The following UBR3 variants were observed in gnomAD, a reference collection of about 807,000 sequenced individuals.
UBR3 encodes the protein ubiquitin protein ligase E3 component n-recognin 3.
In UBR3, 85 loss-of-function variants were observed where a neutral mutation model predicts 243.2. That is an observed-to-expected ratio of 0.35 (90% CI 0.29 to 0.42). The LOEUF is 0.42. UBR3 is among the 10% of genes least tolerant of loss of function. The pLI, the probability that UBR3 is intolerant of heterozygous loss-of-function variation, is 1.00. For synonymous variants in UBR3, 748 were observed against 799.8 expected, an observed-to-expected ratio of 0.94 and a Z score of 1.09; for missense variants, 1,686 against 2,300.8, an observed-to-expected ratio of 0.73 and a Z score of 5.47.
intron 33 of UBR3, among the ~76,000 whole-genome samples, chr2:170,058,029 G>T (rs2091375324): frequency 6.6e-6 from 1 of 152,038 alleles, no homozygotes; most frequent in South Asian, 2.1e-4. Context: ...GTTTCCAAGG[G>T]GTGGTTCCTG....
At chr2:170,061,502 C>T in intron 35 of UBR3, 59 bp downstream of exon 35, 5 of 1,586,150 alleles carry the variant, frequency 3.2e-6, no homozygotes, top group Middle Eastern at 1.7e-4. Context: ...GAGTCTCTCT[C>T]TGTTGCCCAG....
chr2:170,017,514 T>C (rs2090270842), intron 30 of UBR3, among the ~76,000 whole-genome samples: 1 of 142,820 alleles, frequency 7.0e-6, no homozygotes, highest in East Asian at 2.1e-4. Context: ...GCCTGGTATA[T>C]AATTACGGAC....
chr2:169,836,037 CTCTCTCTATATATATA>C (rs1217755518), intron 1 of UBR3, among the ~76,000 whole-genome samples: 5 of 12,546 alleles, frequency 4.0e-4, no homozygotes, highest in Admixed American at 1.6e-3. Flanking sequence ...CTCTCTCTCT[CTCTCTCTATATATATA>C]TATATATATA....
At chr2:169,859,466 C>G (rs928530841) in intron 1 of UBR3, among the ~76,000 whole-genome samples, 26 of 152,188 alleles carry the variant, frequency 1.7e-4, no homozygotes, top group African/African-American at 5.8e-4. Flanking sequence ...AGAATTTCAG[C>G]CACTAATTCT....
chr2:170,038,987 G>C (rs1241712042), intron 31 of UBR3, among the ~76,000 whole-genome samples: 3 of 152,024 alleles, frequency 2.0e-5, no homozygotes, highest in Admixed American at 2.0e-4. Flanking sequence ...TATTCAGATA[G>C]AGAGTTCGAG....
chr2:169,964,709 A>G (rs1375031188), intron 24 of UBR3, among the ~76,000 whole-genome samples: 1 of 152,214 alleles, frequency 6.6e-6, no homozygotes, highest in Non-Finnish European at 1.5e-5. Flanking sequence ...GACTATAAAT[A>G]AAGATTGATA....
intron 1 of UBR3, among the ~76,000 whole-genome samples, chr2:169,850,761 A>G (rs938565598): frequency 4.0e-5 from 6 of 151,742 alleles, no homozygotes; most frequent in Non-Finnish European, 7.4e-5. Flanking sequence ...GGAGAATGGC[A>G]TGAACCCGGG....
intron 30 of UBR3, among the ~76,000 whole-genome samples, chr2:170,020,425 A>T (rs1304084308): frequency 6.6e-6 from 1 of 152,178 alleles, no homozygotes; most frequent in African/African-American, 2.4e-5. Context: ...CATGAAAGAT[A>T]CATATGTGGT....
chr2:169,990,495 A>T (rs1396234846), intron 25 of UBR3, among the ~76,000 whole-genome samples: 3 of 152,156 alleles, frequency 2.0e-5, no homozygotes, highest in African/African-American at 7.2e-5. Context: ...ATAATAAAAG[A>T]AAGTAAATCC....
At chr2:169,929,945 T>A (rs2086056335) in intron 18 of UBR3, among the ~76,000 whole-genome samples, 1 of 152,156 alleles carries the variant, frequency 6.6e-6, no homozygotes, top group Non-Finnish European at 1.5e-5. Flanking sequence ...TTATTTGGGA[T>A]TTTTCAGGGA....
chr2:169,933,087 A>G (rs950906617), intron 19 of UBR3, 79 bp downstream of exon 19: 28 of 908,336 alleles, frequency 3.1e-5, no homozygotes, highest in Non-Finnish European at 4.1e-5. Context: ...CACAGATATG[A>G]TATGCTCTCA....
chr2:169,876,531 T>TATTA (rs548140513), intron 3 of UBR3, among the ~76,000 whole-genome samples: 1 of 147,222 alleles, frequency 6.8e-6, no homozygotes, highest in Admixed American at 6.9e-5. Flanking sequence ...CTGCCTCTCT[T>TATTA]TATTGTATTG....
At chr2:169,912,082 G>A (rs778325873) in intron 10 of UBR3, among the ~76,000 whole-genome samples, 11 of 152,148 alleles carry the variant, frequency 7.2e-5, no homozygotes, top group Non-Finnish European at 1.2e-4. Context: ...AAGAATGAAT[G>A]TGAGACTTTC....
intron 7 of UBR3, 135 bp from the exon 8 acceptor site, chr2:169,896,372 G>T: frequency 1.8e-6 from 1 of 566,320 alleles, no homozygotes; most frequent in Non-Finnish European, 2.9e-6. Flanking sequence ...TCACCATCGA[G>T]ATTTTTTTTA....
At chr2:169,992,248 G>T (rs1335774440) in intron 25 of UBR3, among the ~76,000 whole-genome samples, 1 of 152,082 alleles carries the variant, frequency 6.6e-6, no homozygotes, top group East Asian at 1.9e-4. Context: ...ATAACAAAAA[G>T]ATTGATTCAG....
At chr2:169,833,666 TA>T (rs2105277204) in intron 1 of UBR3, among the ~76,000 whole-genome samples, 1 of 152,330 alleles carries the variant, frequency 6.6e-6, no homozygotes, top group East Asian at 1.9e-4. Context: ...AATAAGTGGA[TA>T]AAGTAAAAAG....
chr2:169,831,127 A>ATATATATT (rs1450878762), intron 1 of UBR3, among the ~76,000 whole-genome samples: 4 of 56,464 alleles, frequency 7.1e-5, no homozygotes, highest in African/African-American at 3.6e-4. Flanking sequence ...ATATATATAT[A>ATATATATT]TTTTTTTTTT....
chr2:169,971,012 C>T (rs1416381324), intron 24 of UBR3, among the ~76,000 whole-genome samples: 1 of 148,192 alleles, frequency 6.7e-6, no homozygotes, highest in Admixed American at 6.7e-5. Context: ...TTAATGATTG[C>T]CATTCTAACT....
chr2:169,975,466 T>C (rs772151205), intron 24 of UBR3, among the ~76,000 whole-genome samples: 16 of 152,362 alleles, frequency 1.1e-4, no homozygotes, highest in Middle Eastern at 3.4e-3. Flanking sequence ...CTGTTAGGTC[T>C]ATTTGGCTTA....
Sources: gnomAD v4.1 joint callset for allele counts (sites outside exome capture counted in the v4.1 genomes callset) on GRCh38, gnomAD v4.1.1 for gene constraint, MANE v1.5 for transcripts, NCBI Gene and HGNC (gene_info 2026-07-23, HGNC 2026-07-21) for gene names.